SCFD2: variants seen among roughly 807,000 people sequenced by gnomAD.
SCFD2 encodes sec1 family domain-containing protein 2.
A neutral mutation model predicts 58.9 loss-of-function variants in SCFD2; 54 were observed. That is an observed-to-expected ratio of 0.92 (90% CI 0.74 to 1.15). The LOEUF is 1.15. SCFD2 is among the 50% of genes most tolerant of loss of function. The pLI is 0.00. For synonymous variants in SCFD2, 321 were observed against 335.9 expected, an observed-to-expected ratio of 0.96 and a Z score of 0.49; for missense variants, 805 against 836.6, an observed-to-expected ratio of 0.96 and a Z score of 0.47.
At chr4:52,911,698 G>T (rs1366027051) in intron 6 of SCFD2, among the ~76,000 whole-genome samples, 1 of 152,082 alleles carries the variant, frequency 6.6e-6, no homozygotes, top group Non-Finnish European at 1.5e-5. Flanking sequence ...CATTCTCTCT[G>T]ATTATCTTTT....
intron 5 of SCFD2, among the ~76,000 whole-genome samples, chr4:53,055,295 A>T (rs1479862545): frequency 1.3e-5 from 2 of 152,120 alleles, no homozygotes; most frequent in Non-Finnish European, 2.9e-5. Flanking sequence ...GGCCCATGAG[A>T]TTCCAGTGGG....
At chr4:53,304,489 T>G (rs532407542) in intron 3 of SCFD2, among the ~76,000 whole-genome samples, 58 of 152,030 alleles carry the variant, frequency 3.8e-4, no homozygotes, top group Non-Finnish European at 2.6e-4. Flanking sequence ...TTGCTCTTTT[T>G]GTATAGTGCC....
chr4:53,258,945 T>C (rs1730743548), intron 4 of SCFD2, among the ~76,000 whole-genome samples: 1 of 152,196 alleles, frequency 6.6e-6, no homozygotes, highest in African/African-American at 2.4e-5. Flanking sequence ...TATCACACTG[T>C]GGTTTTGATA....
At chr4:53,169,115 C>A (rs1302720687) in intron 4 of SCFD2, among the ~76,000 whole-genome samples, 3 of 152,214 alleles carry the variant, frequency 2.0e-5, no homozygotes, top group African/African-American at 7.2e-5. Context: ...GTGGCTCACG[C>A]CTGTAATCCC....
intron 5 of SCFD2, among the ~76,000 whole-genome samples, chr4:52,933,622 C>G (rs751124199): frequency 6.6e-6 from 1 of 152,068 alleles, no homozygotes; most frequent in Admixed American, 6.6e-5. Context: ...GAACTACAGC[C>G]GGCTCCATGA....
At chr4:53,216,216 G>C (rs1462501534) in intron 4 of SCFD2, among the ~76,000 whole-genome samples, 1 of 152,188 alleles carries the variant, frequency 6.6e-6, no homozygotes, top group African/African-American at 2.4e-5. Context: ...GTTTCAGAAG[G>C]AATGGTACCA....
chr4:52,911,678 T>G (rs1359043543), intron 6 of SCFD2, among the ~76,000 whole-genome samples: 1 of 152,228 alleles, frequency 6.6e-6, no homozygotes, highest in African/African-American at 2.4e-5. Context: ...TTTCTTACAT[T>G]TTTTGGTTGC....
intron 2 of SCFD2, among the ~76,000 whole-genome samples, chr4:53,336,086 T>C (rs944154732): frequency 3.3e-5 from 5 of 152,168 alleles, no homozygotes; most frequent in African/African-American, 7.2e-5. Flanking sequence ...ATAAAGCCCT[T>C]AGAGACTCTT....
At chr4:52,887,520 T>A (rs1718766448) in intron 7 of SCFD2, among the ~76,000 whole-genome samples, 1 of 152,146 alleles carries the variant, frequency 6.6e-6, no homozygotes. Context: ...GTTGGTTTGA[T>A]GGAGTGGGCA....
At chr4:52,948,346 T>C (rs1577851772) in intron 5 of SCFD2, 1 of 290,336 alleles carries the variant, frequency 3.4e-6, no homozygotes, top group Admixed American at 4.2e-5. Flanking sequence ...GAAGTAATGA[T>C]GATGCAGCTG....
intron 4 of SCFD2, among the ~76,000 whole-genome samples, chr4:53,224,387 T>C (rs1395395451): frequency 2.1e-5 from 3 of 140,976 alleles, no homozygotes; most frequent in Non-Finnish European, 1.5e-5. Flanking sequence ...AGACTCCGTC[T>C]CAAAAAAAAA....
At chr4:53,219,539 C>A (rs1057014692) in intron 4 of SCFD2, among the ~76,000 whole-genome samples, 1 of 152,154 alleles carries the variant, frequency 6.6e-6, no homozygotes, top group South Asian at 2.1e-4. Flanking sequence ...TCCGTCACTG[C>A]TTTCCATGTC....
At chr4:52,945,549 T>C (rs1290648041) in intron 5 of SCFD2, 1 of 152,202 alleles carries the variant, frequency 6.6e-6, no homozygotes, top group Non-Finnish European at 1.5e-5. Context: ...ACATTAATAC[T>C]TAGTGTTCAT....
At chr4:53,100,166 TAAG>T (rs2148874540) in intron 5 of SCFD2, among the ~76,000 whole-genome samples, 1 of 152,290 alleles carries the variant, frequency 6.6e-6, no homozygotes, top group Admixed American at 6.5e-5. Context: ...ATGTGGTAGT[TAAG>T]AGCTCAGGAA....
chr4:53,129,267 A>G (rs754643822), intron 5 of SCFD2, among the ~76,000 whole-genome samples: 4 of 152,108 alleles, frequency 2.6e-5, no homozygotes, highest in Non-Finnish European at 5.9e-5. Flanking sequence ...ACGAACAGAA[A>G]AAAATAGAGA....
chr4:52,956,997 C>T (rs1193083352), intron 5 of SCFD2: 1 of 152,286 alleles, frequency 6.6e-6, no homozygotes, highest in African/African-American at 2.4e-5. Context: ...CTTCATAACT[C>T]AGGTCTTCAA....
At chr4:53,201,565 G>A (rs1186023298) in intron 4 of SCFD2, among the ~76,000 whole-genome samples, 1 of 152,082 alleles carries the variant, frequency 6.6e-6, no homozygotes, top group African/African-American at 2.4e-5. Context: ...GGGTCAAATG[G>A]TATTTCTAGT....
At chr4:53,333,579 T>A (rs1315640006) in intron 2 of SCFD2, among the ~76,000 whole-genome samples, 1 of 151,408 alleles carries the variant, frequency 6.6e-6, no homozygotes, top group Non-Finnish European at 1.5e-5. Context: ...CCCTTCCTTA[T>A]ACCTTATACA....
intron 6 of SCFD2, 151 bp downstream of exon 6, chr4:52,920,574 G>C: frequency 2.1e-6 from 1 of 471,652 alleles, no homozygotes. Flanking sequence ...GATTCCGTGG[G>C]ACCCAAAACT....
Sources: allele counts gnomAD v4.1 joint callset (sites outside exome capture counted in the v4.1 genomes callset), GRCh38; gene constraint gnomAD v4.1.1; transcripts MANE v1.5; gene names NCBI Gene and HGNC (gene_info 2026-07-23, HGNC 2026-07-21).